USH2A: variants seen among roughly 807,000 people sequenced by gnomAD.
The protein encoded by USH2A is usherin, also known as Usher syndrome 2A (autosomal recessive, mild).
Under a neutral mutation model 538.9 loss-of-function variants are expected in USH2A, and 443 were observed. That is an observed-to-expected ratio of 0.82 (90% CI 0.76 to 0.89). USH2A has a LOEUF of 0.89. Among genes scored for constraint, USH2A ranks in the 40% least tolerant of loss-of-function variants. USH2A has a pLI of 0.00. For missense variants in USH2A, 6,633 were observed against 6,324.8 expected, an observed-to-expected ratio of 1.05 and a Z score of -1.65; for synonymous variants, 2,413 against 2,273.5, an observed-to-expected ratio of 1.06 and a Z score of -1.75.
At chr1:215,947,665 G>A (rs1255283974) in intron 37 of USH2A, among the ~76,000 whole-genome samples, 1 of 152,170 alleles carries the variant, frequency 6.6e-6, no homozygotes, top group Non-Finnish European at 1.5e-5. Context: ...GAACAACTTA[G>A]GAGTGTTACA....
At chr1:215,652,481 G>A (rs1309584022) in intron 64 of USH2A, among the ~76,000 whole-genome samples, 1 of 152,206 alleles carries the variant, frequency 6.6e-6, no homozygotes, top group African/African-American at 2.4e-5. Flanking sequence ...GGTAAGCACA[G>A]GGAAGTAAGG....
At chr1:215,629,092 G>A in intron 70 of USH2A, 57 bp from the exon 71 acceptor site, 1 of 1,510,444 alleles carries the variant, frequency 6.6e-7, no homozygotes, top group Non-Finnish European at 9.2e-7. Context: ...CTTGAAATAT[G>A]ACAGAGAATT....
intron 37 of USH2A, among the ~76,000 whole-genome samples, chr1:215,956,302 T>G (rs1223892184): frequency 2.6e-5 from 4 of 152,182 alleles, no homozygotes; most frequent in African/African-American, 9.6e-5. Context: ...GCTTATCCAG[T>G]TGAACTTTAT....
intron 48 of USH2A, among the ~76,000 whole-genome samples, chr1:215,814,602 G>T (rs546566159): frequency 2.6e-5 from 4 of 152,106 alleles, no homozygotes; most frequent in South Asian, 4.1e-4. Context: ...GAGTGTGGCA[G>T]CTCTCCCCTT....
chr1:216,194,973 C>A (rs1033351284), intron 19 of USH2A, among the ~76,000 whole-genome samples: 1 of 151,998 alleles, frequency 6.6e-6, no homozygotes, highest in Non-Finnish European at 1.5e-5. Flanking sequence ...GCAAGGCACA[C>A]ATAGAAAGAG....
chr1:215,854,428 A>G (rs1024839372), intron 44 of USH2A, among the ~76,000 whole-genome samples: 4 of 152,162 alleles, frequency 2.6e-5, no homozygotes, highest in Non-Finnish European at 4.4e-5. Context: ...AACTGGAACA[A>G]GACAAGTATG....
intron 21 of USH2A, among the ~76,000 whole-genome samples, chr1:216,103,686 TA>T (rs377382461): frequency 2.0e-5 from 3 of 152,026 alleles, no homozygotes; most frequent in Non-Finnish European, 4.4e-5. Flanking sequence ...GTAGAATACA[TA>T]AAAAAATCCT....
chr1:216,392,768 A>G (rs958569345), intron 3 of USH2A, among the ~76,000 whole-genome samples: 3 of 152,210 alleles, frequency 2.0e-5, no homozygotes, highest in African/African-American at 7.2e-5. Flanking sequence ...CATTAATATC[A>G]GAGCAAAATT....
intron 22 of USH2A, 121 bp downstream of exon 22, chr1:216,096,962 A>C: frequency 9.5e-7 from 1 of 1,056,000 alleles, no homozygotes; most frequent in Non-Finnish European, 1.4e-6. Flanking sequence ...AATGGGGATA[A>C]TAATAGTACT....
chr1:216,223,374 C>T (rs1402150715), intron 14 of USH2A, among the ~76,000 whole-genome samples: 1 of 152,032 alleles, frequency 6.6e-6, no homozygotes, highest in East Asian at 1.9e-4. Context: ...AGTTTGGCAG[C>T]CATAGGAGAT....
intron 37 of USH2A, among the ~76,000 whole-genome samples, chr1:215,948,445 C>T (rs523889): frequency 0.17 from 8,878 of 52,592 alleles, 274 homozygotes; most frequent in Admixed American, 0.2. Context: ...TATATATATA[C>T]ACACACACAC....
rs191889971 is a variant in USH2A at position 215,797,009 on chromosome 1, G to A, written c.9958+1898C>T. On this transcript the variant is annotated intron_variant, in intron 50 of 71. Transcript: ENST00000307340. ...CTTGTGGGTCTTATGGCCTTCAACC[G>A]TGGTCCAGGTAAGATTTCTATTTCA... Among the ~76,000 whole-genome samples the A allele has an allele frequency of 1.1e-4, 17 of 152,242 alleles. No individual in the cohort carries two copies. In the East Asian group the frequency reaches 1.4e-3, roughly 12 times the overall value.
intron 4 of USH2A, among the ~76,000 whole-genome samples, chr1:216,355,817 A>T (rs1020267015): frequency 6.6e-6 from 1 of 152,068 alleles, no homozygotes; most frequent in Non-Finnish European, 1.5e-5. Flanking sequence ...GTAAATTTTG[A>T]TTTTCAGCCA....
chr1:216,262,634 A>G (rs2036396837), intron 11 of USH2A, among the ~76,000 whole-genome samples: 1 of 152,092 alleles, frequency 6.6e-6, no homozygotes, highest in African/African-American at 2.4e-5. Context: ...AGACAAGATG[A>G]CAAAAAGGGT....
At chr1:215,971,448 G>A (rs1446120453) in intron 35 of USH2A, among the ~76,000 whole-genome samples, 2 of 151,998 alleles carry the variant, frequency 1.3e-5, no homozygotes, top group African/African-American at 2.4e-5. Flanking sequence ...TGAAGATCCA[G>A]TGGCCTAAGT....
chr1:215,669,615 C>T (rs1229145783), intron 64 of USH2A, among the ~76,000 whole-genome samples: 2 of 152,094 alleles, frequency 1.3e-5, no homozygotes, highest in Non-Finnish European at 2.9e-5. Context: ...TAAATAGTCT[C>T]AAGTCTGTTT....
At chr1:216,098,036 C>T (rs147167626) in intron 21 of USH2A, among the ~76,000 whole-genome samples, 18,295 of 148,496 alleles carry the variant, frequency 0.12, 1,152 homozygotes, top group Middle Eastern at 0.17. Context: ...GCCCCATCTC[C>T]AGTCCTATGA....
Position 215,680,310 on chromosome 1 carries a change from C to A in USH2A, c.12133G>T (p.Ala4045Ser). Reference protein sequence around the residue: ...PFTTYRIGVVAANHAGEILSP... With the variant: ...PFTTYRIGVVSANHAGEILSP... ...AAAATTTCTCCTGCATGGTTTGCAG[C>A]CACAACACCAATGCGATATGTTGTG... Residue 4045 changes from alanine to serine, a missense_variant, in exon 62 of 72, where the codon GCT becomes TCT. Coordinates refer to ENST00000307340, the MANE Select transcript of USH2A (RefSeq NM_206933.4). The A allele has an allele frequency of 6.2e-7, 1 of 1,614,128 alleles. No individual in the cohort carries two copies. Among genetic ancestry groups the A allele is most frequent in the Non-Finnish European group, 8.5e-7 (1 of 1,180,000 alleles).
intron 11 of USH2A, among the ~76,000 whole-genome samples, chr1:216,261,943 A>C (rs2036381555): frequency 6.6e-6 from 1 of 152,196 alleles, no homozygotes; most frequent in Admixed American, 6.5e-5. Context: ...TCAGTGAAGC[A>C]TTCACAAACA....
Sources: allele counts gnomAD v4.1 joint callset (sites outside exome capture counted in the v4.1 genomes callset), GRCh38; gene constraint gnomAD v4.1.1; transcripts MANE v1.5; gene names NCBI Gene and HGNC (gene_info 2026-07-23, HGNC 2026-07-21).